The following TRIM2 variants were observed in gnomAD, a reference collection of about 807,000 sequenced individuals.
TRIM2 encodes tripartite motif-containing protein 2.
Under a neutral mutation model 75.2 loss-of-function variants are expected in TRIM2, and 20 were observed. That is an observed-to-expected ratio of 0.27 (90% CI 0.19 to 0.39). The LOEUF (loss-of-function observed/expected upper bound fraction) is 0.39, where lower values mean the gene tolerates loss of function less well. Among genes scored for constraint, TRIM2 ranks in the 10% least tolerant of loss-of-function variants. TRIM2 has a pLI of 1.00. For synonymous variants in TRIM2, 373 were observed against 388.3 expected, an observed-to-expected ratio of 0.96 and a Z score of 0.46; for missense variants, 660 against 990.8, an observed-to-expected ratio of 0.67 and a Z score of 4.48.
chr4:153,329,961 A>G (rs1393769817), intron 11 of TRIM2, among the ~76,000 whole-genome samples: 1 of 152,214 alleles, frequency 6.6e-6, no homozygotes, highest in Non-Finnish European at 1.5e-5. Flanking sequence ...AGACTGACAA[A>G]GGAAATAAGA....
chr4:153,199,190 T>C (rs776200180), intron 1 of TRIM2, among the ~76,000 whole-genome samples: 13 of 152,220 alleles, frequency 8.5e-5, no homozygotes, highest in African/African-American at 4.8e-5. Flanking sequence ...TTGATGAAAT[T>C]TCTGGCAAAG....
At chr4:153,325,935 G>C (rs1295059470) in intron 10 of TRIM2, among the ~76,000 whole-genome samples, 2 of 152,170 alleles carry the variant, frequency 1.3e-5, no homozygotes, top group Non-Finnish European at 2.9e-5. Flanking sequence ...ATGCAAGGCA[G>C]GTAGCACTAA....
At chr4:153,226,712 C>T (rs1040589043) in intron 1 of TRIM2, among the ~76,000 whole-genome samples, 28 of 152,290 alleles carry the variant, frequency 1.8e-4, no homozygotes, top group Non-Finnish European at 4.1e-4. Flanking sequence ...TCATTGCTGA[C>T]CTTCGGGGAT....
upstream of TRIM2, among the ~76,000 whole-genome samples, chr4:153,202,798 T>C (rs1734534198): frequency 1.3e-5 from 2 of 151,078 alleles, no homozygotes; most frequent in South Asian, 2.1e-4. Flanking sequence ...GTTAAGCTGC[T>C]GTAATAGCTT....
chr4:153,170,760 T>C (rs1352183926), intron 1 of TRIM2, among the ~76,000 whole-genome samples: 1 of 152,186 alleles, frequency 6.6e-6, no homozygotes, highest in Non-Finnish European at 1.5e-5. Context: ...TAAAAACAGC[T>C]GTCCCTTTGC....
At chr4:153,301,821 C>G (rs1763983434) in intron 6 of TRIM2, among the ~76,000 whole-genome samples, 1 of 152,156 alleles carries the variant, frequency 6.6e-6, no homozygotes, top group Non-Finnish European at 1.5e-5. Flanking sequence ...TTTCTGAGCT[C>G]TCTATTCTGT....
rs138785173 is a variant in TRIM2, at chr4:153,252,548, G to A, written c.31-17787G>A. 1.4e-3 allele frequency among the ~76,000 whole-genome samples: 214 copies of A among 152,322 alleles called. 1 individual carries two copies. The highest frequency in any genetic ancestry group is 4.8e-3 in the African/African-American group (199 of 41,572). ...TTTTTCTGAGATGGAGTCTCACTCTGTCACCCAGGCTGGAGTGCAGTGGCA... is the reference window on the plus strand; with the variant it reads ...TTTTTCTGAGATGGAGTCTCACTCTATCACCCAGGCTGGAGTGCAGTGGCA... On this transcript the variant is annotated intron_variant, in intron 1 of 11. Transcript: ENST00000338700.
At chr4:153,251,659 A>G (rs1750905685) in intron 1 of TRIM2, among the ~76,000 whole-genome samples, 2 of 152,122 alleles carry the variant, frequency 1.3e-5, no homozygotes, top group South Asian at 4.2e-4. Context: ...TAGTGAGAAC[A>G]TTCAAAATTC....
chr4:153,223,569 T>C (rs977741289), intron 1 of TRIM2, among the ~76,000 whole-genome samples: 5 of 152,168 alleles, frequency 3.3e-5, no homozygotes, highest in African/African-American at 1.2e-4. Flanking sequence ...GGTTGGTGTA[T>C]GTATTCTGAA....
rs538966121 is a variant in TRIM2, at chr4:153,204,529, C to T, written c.-2C>T. 2.2e-4 allele frequency: 346 copies of T among 1,551,688 alleles called. 5 individuals are homozygous for T. The South Asian group carries it at 4.0e-3, about 18-fold the overall frequency. Reference sequence around the variant, plus strand: ...ATTGGAGGAGGCTGGCTCTGGTCTTCGATGCACAGGAGTGGCCGTTATGGA... The same window carrying T: ...ATTGGAGGAGGCTGGCTCTGGTCTTTGATGCACAGGAGTGGCCGTTATGGA... On this transcript the variant is annotated 5_prime_UTR_variant, in exon 1 of 12. Transcript: ENST00000338700.
chr4:153,252,703 T>C (rs1225363068), intron 1 of TRIM2, among the ~76,000 whole-genome samples: 4 of 152,068 alleles, frequency 2.6e-5, no homozygotes, highest in Non-Finnish European at 4.4e-5. Flanking sequence ...AGTGACGGGG[T>C]TTCACTATCT....
intron 1 of TRIM2, among the ~76,000 whole-genome samples, chr4:153,237,772 T>G (rs961735911): frequency 6.6e-6 from 1 of 152,232 alleles, no homozygotes; most frequent in African/African-American, 2.4e-5. Flanking sequence ...ACTTTCTACT[T>G]TATCAAAGTC....
At chr4:153,292,016 A>C (rs1487758317) in intron 3 of TRIM2, among the ~76,000 whole-genome samples, 1 of 152,264 alleles carries the variant, frequency 6.6e-6, no homozygotes, top group Non-Finnish European at 1.5e-5. Context: ...TATTTGGATA[A>C]GTCTCTTAGC....
At chr4:153,321,470 C>G (rs1768966535) in intron 8 of TRIM2, among the ~76,000 whole-genome samples, 2 of 152,234 alleles carry the variant, frequency 1.3e-5, no homozygotes, top group African/African-American at 4.8e-5. Flanking sequence ...TACTCAAGAA[C>G]AGGAATAAAA....
intron 1 of TRIM2, among the ~76,000 whole-genome samples, chr4:153,165,860 G>A (rs1013309196): frequency 1.3e-5 from 2 of 152,056 alleles, no homozygotes; most frequent in East Asian, 1.9e-4. Flanking sequence ...GATTTGAGGG[G>A]TTTTTCTATT....
intron 1 of TRIM2, among the ~76,000 whole-genome samples, chr4:153,207,716 C>T (rs1398592237): frequency 3.3e-5 from 5 of 152,156 alleles, no homozygotes; most frequent in African/African-American, 7.2e-5. Context: ...GAAAGAAGGG[C>T]GGGCTGGACA....
intron 3 of TRIM2, among the ~76,000 whole-genome samples, chr4:153,282,774 T>G (rs889452038): frequency 6.6e-6 from 1 of 151,172 alleles, no homozygotes; most frequent in African/African-American, 2.4e-5. Context: ...CTTTTTATAA[T>G]GATGTTTTTT....
intron 1 of TRIM2, among the ~76,000 whole-genome samples, chr4:153,186,448 A>T (rs566670457): frequency 6.6e-6 from 1 of 152,332 alleles, no homozygotes; most frequent in South Asian, 2.1e-4. Flanking sequence ...AATAGCGCTT[A>T]ACCTCAGGTA....
intron 1 of TRIM2, among the ~76,000 whole-genome samples, chr4:153,175,389 G>A (rs1247651306): frequency 6.6e-6 from 1 of 152,028 alleles, no homozygotes; most frequent in Admixed American, 6.6e-5. Flanking sequence ...GTGCACAGCC[G>A]GATATTCCCT....
Sources: gnomAD v4.1 joint callset for allele counts (sites outside exome capture counted in the v4.1 genomes callset) on GRCh38, gnomAD v4.1.1 for gene constraint, MANE v1.5 for transcripts, NCBI Gene and HGNC (gene_info 2026-07-23, HGNC 2026-07-21) for gene names.